Variants in EYA1 observed in about 807,000 individuals in gnomAD.
The protein encoded by EYA1 is protein phosphatase EYA1.
EYA1 carries 16 observed loss-of-function variants against 82.0 expected under a neutral mutation model. That is an observed-to-expected ratio of 0.20 (90% CI 0.13 to 0.30). The LOEUF (loss-of-function observed/expected upper bound fraction) is 0.30. Among genes scored for constraint, EYA1 ranks in the 10% least tolerant of loss-of-function variants. EYA1 has a pLI of 1.00. For synonymous variants in EYA1, 261 were observed against 264.4 expected (o/e 0.99, Z 0.12); for missense variants, 633 against 730.7 (o/e 0.87, Z 1.54).
chr8:71,488,940 T>G (rs2129222223), intron 2 of EYA1, among the ~76,000 whole-genome samples: 1 of 152,314 alleles, frequency 6.6e-6, no homozygotes, highest in African/African-American at 2.4e-5. Flanking sequence ...ATCTCCTGTT[T>G]TATGTTGAGG....
In EYA1 at chr8:71,198,279, A is replaced by G. The variant is rs2128799584; in HGVS notation, c.*1061T>C. ...TAATACATTAGTGTGGAAATGAAAAAGTGAGGTGGTAGGAGAGCTCATTTT... is the reference window on the plus strand; with the variant it reads ...TAATACATTAGTGTGGAAATGAAAAGGTGAGGTGGTAGGAGAGCTCATTTT... On this transcript the variant is annotated 3_prime_UTR_variant, in exon 18 of 18. Transcript: ENST00000340726. The G allele has an allele frequency of 6.5e-6, 1 of 152,760 alleles. No individual in the cohort carries two copies. The allele number at this position is 152,760 out of a possible 1,614,324, so 9.5% of individuals were successfully genotyped here.
chr8:71,337,158 G>T (rs1231737627), intron 3 of EYA1, among the ~76,000 whole-genome samples: 5 of 152,110 alleles, frequency 3.3e-5, no homozygotes, highest in Non-Finnish European at 7.4e-5. Context: ...AGAGGTTTAA[G>T]GTACTGTAAC....
intron 11 of EYA1, among the ~76,000 whole-genome samples, chr8:71,254,610 C>T (rs55672646): frequency 1.3e-5 from 2 of 151,990 alleles, no homozygotes; most frequent in South Asian, 2.1e-4. Flanking sequence ...AAGCCCACAA[C>T]GAACATCATA....
At chr8:71,394,812 T>G (rs964267540) in intron 2 of EYA1, among the ~76,000 whole-genome samples, 3 of 152,214 alleles carry the variant, frequency 2.0e-5, no homozygotes, top group African/African-American at 7.2e-5. Context: ...AAAGTAGTTT[T>G]TTCCAATTCT....
intron 2 of EYA1, among the ~76,000 whole-genome samples, chr8:71,430,345 T>A (rs2129159832): frequency 6.6e-6 from 1 of 152,354 alleles, no homozygotes; most frequent in Middle Eastern, 3.4e-3. Context: ...GTAAATACAC[T>A]ACCCAGAGTC....
At chr8:71,481,035 T>A (rs1490690652) in intron 2 of EYA1, among the ~76,000 whole-genome samples, 1 of 152,076 alleles carries the variant, frequency 6.6e-6, no homozygotes, top group Non-Finnish European at 1.5e-5. Flanking sequence ...TAATTTAAAA[T>A]AAATTTTAGG....
chr8:71,357,130 G>A (rs561321255), intron 1 of EYA1, among the ~76,000 whole-genome samples: 1 of 152,338 alleles, frequency 6.6e-6, no homozygotes, highest in African/African-American at 2.4e-5. Context: ...CATACCCAAA[G>A]TCACTCCACT....
At chr8:71,487,603 C>A (rs1370415390) in intron 2 of EYA1, among the ~76,000 whole-genome samples, 1 of 152,040 alleles carries the variant, frequency 6.6e-6, no homozygotes, top group Non-Finnish European at 1.5e-5. Context: ...ATTAAGAAAG[C>A]AATGGGAGAA....
chr8:71,535,739 C>T, intron 2 of EYA1: 1 of 1,518,174 alleles, frequency 6.6e-7, no homozygotes, highest in Non-Finnish European at 8.8e-7. Flanking sequence ...ATTCTGTTTA[C>T]TTACAGACTG....
chr8:71,504,519 A>G (rs1812046992), intron 2 of EYA1, among the ~76,000 whole-genome samples: 1 of 152,236 alleles, frequency 6.6e-6, no homozygotes, highest in South Asian at 2.1e-4. Context: ...TGTAAAGTAG[A>G]TCTTCTAAAA....
At chr8:71,352,375 G>A (rs533628536) in intron 3 of EYA1, among the ~76,000 whole-genome samples, 1 of 152,208 alleles carries the variant, frequency 6.6e-6, no homozygotes, top group East Asian at 1.9e-4. Context: ...GTATCTAAAC[G>A]GACATGTAAC....
intron 2 of EYA1, among the ~76,000 whole-genome samples, chr8:71,499,103 G>A (rs1811632330): frequency 1.3e-5 from 2 of 152,108 alleles, no homozygotes; most frequent in African/African-American, 2.4e-5. Context: ...TGTGGAGCTG[G>A]GGACCCTCTG....
At chr8:71,433,133 T>A (rs1805746769) in intron 2 of EYA1, among the ~76,000 whole-genome samples, 1 of 152,162 alleles carries the variant, frequency 6.6e-6, no homozygotes, top group South Asian at 2.1e-4. Context: ...ACACACACCT[T>A]TAGTTTCAAC....
Position 71,216,794 on chromosome 8 carries a change from A to T in EYA1, c.1258T>A (p.Leu420Met). 6.2e-7 allele frequency: 1 copy of T among 1,614,176 alleles called. No homozygotes were observed. Among genetic ancestry groups the T allele is most frequent in the Non-Finnish European group, 8.5e-7 (1 of 1,179,996 alleles). Residue 420 changes from leucine to methionine, a missense_variant, in exon 14 of 18, where the codon TTG becomes ATG. Transcript: ENST00000340726. ...ACACCGCCCCGTACACCAGTTGCCA[A>T]ACATAAGTTAGCACTGGTTGCTGCA... is the stretch of plus-strand genomic sequence containing the variant. Reference protein sequence around the residue: ...PAAATSANLCLATGVRGGVDW... With the variant: ...PAAATSANLCMATGVRGGVDW...
intron 9 of EYA1, among the ~76,000 whole-genome samples, chr8:71,272,387 T>G (rs972381876): frequency 2.6e-5 from 4 of 152,156 alleles, no homozygotes; most frequent in Non-Finnish European, 5.9e-5. Flanking sequence ...TTGAAAATTT[T>G]ACATTCCCCA....
intron 7 of EYA1, among the ~76,000 whole-genome samples, chr8:71,300,041 T>G (rs557122070): frequency 1.3e-5 from 2 of 152,330 alleles, no homozygotes; most frequent in South Asian, 4.1e-4. Context: ...GTCTTTATAT[T>G]AAATTCACAT....
At chr8:71,446,269 T>C (rs1241646046) in intron 2 of EYA1, among the ~76,000 whole-genome samples, 1 of 152,132 alleles carries the variant, frequency 6.6e-6, no homozygotes, top group African/African-American at 2.4e-5. Context: ...GAGGTAATTG[T>C]ATCATGGGGG....
chr8:71,299,102 C>G lies in EYA1; in HGVS notation c.771G>C (p.Gln257His), dbSNP rs149833469. ...TGATGCCAGATGGCGGTTCTTGAAGCTGGTAAGTGGCATTGGTGGATGGTG... is the reference window on the plus strand; with the variant it reads ...TGATGCCAGATGGCGGTTCTTGAAGGTGGTAAGTGGCATTGGTGGATGGTG... ...PTTPSTNATYQLQEPPSGITS... is the reference protein window; with the variant it reads ...PTTPSTNATYHLQEPPSGITS... Residue 257 changes from glutamine (Q) to histidine (H), a missense_variant, in exon 9 of 18, where the codon CAG becomes CAC. By Grantham distance (24) the Gln-to-His change is conservative (BLOSUM62 0). Transcript: ENST00000340726. 2 of 1,613,980 alleles carry G rather than the reference C, an allele frequency of 1.2e-6. No individual in the cohort carries two copies. Among genetic ancestry groups the G allele is most frequent in the African/African-American group, 2.7e-5 (2 of 74,908 alleles).
rs112831650 is a variant in EYA1 at position 71,506,797 on chromosome 8, C to T, written c.33+28947G>A. Reference sequence around the variant, plus strand: ...CAAGTGCTTTACTATGAATAAAAATCCTAAAAACAAATAAGAAAAGGTTGG... The same window carrying T: ...CAAGTGCTTTACTATGAATAAAAATTCTAAAAACAAATAAGAAAAGGTTGG... On this transcript the variant is annotated intron_variant, in intron 2 of 18. Transcript: ENST00000643681. Among the ~76,000 whole-genome samples the T allele has an allele frequency of 7.9e-5, 12 of 151,854 alleles. 1 individual carries two copies. Among genetic ancestry groups the T allele is most frequent in the African/African-American group, 2.7e-4 (11 of 41,378 alleles).
Sources: allele counts gnomAD v4.1 joint callset (sites outside exome capture counted in the v4.1 genomes callset), GRCh38; gene constraint gnomAD v4.1.1; transcripts MANE v1.5; gene names NCBI Gene and HGNC (gene_info 2026-07-23, HGNC 2026-07-21).